FHOD3: variants seen among roughly 807,000 people sequenced by gnomAD.
FHOD3 encodes the protein FH1/FH2 domain-containing protein 3.
In FHOD3, 90 loss-of-function variants were observed where a neutral mutation model predicts 173.0. The ratio of observed to expected loss-of-function variants is 0.52; its 90% CI spans 0.44 to 0.62. The LOEUF is 0.62. Ranked by LOEUF, FHOD3 falls within the 20% of genes least tolerant of loss-of-function variation. The probability of loss-of-function intolerance (pLI) is 0.00; values close to 1 mark genes in which losing one functional copy is unlikely to be tolerated. For missense variants in FHOD3, 1,945 were observed against 2,034.7 expected (o/e 0.96, Z 0.85); for synonymous variants, 828 against 823.0 (o/e 1.01, Z -0.10).
intron 5 of FHOD3, among the ~76,000 whole-genome samples, chr18:36,534,099 C>T (rs2056894840): frequency 6.6e-6 from 1 of 152,202 alleles, no homozygotes; most frequent in African/African-American, 2.4e-5. Context: ...TCCACATCAT[C>T]CTAACTTCCT....
intron 11 of FHOD3, among the ~76,000 whole-genome samples, chr18:36,650,749 C>T (rs1485636363): frequency 6.6e-6 from 1 of 152,208 alleles, no homozygotes; most frequent in Non-Finnish European, 1.5e-5. Flanking sequence ...TATGCACATG[C>T]TTCTGCACCT....
chr18:36,768,520 T>A (rs1327419287), intron 27 of FHOD3, among the ~76,000 whole-genome samples: 1 of 152,202 alleles, frequency 6.6e-6, no homozygotes, highest in Non-Finnish European at 1.5e-5. Flanking sequence ...CTGGAACAAA[T>A]CCCTCTGTAT....
intron 5 of FHOD3, among the ~76,000 whole-genome samples, chr18:36,550,243 CATATATATATATAT>C (rs371573246): frequency 1.7e-5 from 2 of 120,714 alleles, no homozygotes; most frequent in Non-Finnish European, 3.4e-5. Flanking sequence ...AGTGGTAGAC[CATATATATATATAT>C]ATATATATAT....
In FHOD3 at chr18:36,311,704, A is replaced by G. The variant is rs1032735126; in HGVS notation, c.165+13704A>G. 6.6e-5 allele frequency among the ~76,000 whole-genome samples: 10 copies of G among 151,974 alleles called. 1 individual carries two copies. The highest frequency in any genetic ancestry group is 6.6e-4 in the Admixed American group (10 of 15,250). On this transcript the variant is annotated intron_variant, in intron 1 of 28. Coordinates refer to ENST00000590592, the MANE Select transcript of FHOD3 (RefSeq NM_001281740.3). ...CCCCACCACAGTGTCCCCACTCCCAACGTGGATCCTCACCTTTGACTGCAA... is the reference window on the plus strand; with the variant it reads ...CCCCACCACAGTGTCCCCACTCCCAGCGTGGATCCTCACCTTTGACTGCAA...
chr18:36,389,088 A>T (rs1369518473), intron 3 of FHOD3, among the ~76,000 whole-genome samples: 1 of 152,178 alleles, frequency 6.6e-6, no homozygotes, highest in Non-Finnish European at 1.5e-5. Flanking sequence ...GAGGATCGTG[A>T]TGATATAGGA....
intron 10 of FHOD3, among the ~76,000 whole-genome samples, chr18:36,645,376 T>G (rs1258813891): frequency 6.6e-6 from 1 of 151,924 alleles, no homozygotes; most frequent in Non-Finnish European, 1.5e-5. Flanking sequence ...ACCAAGATGG[T>G]GAGATTGTGC....
chr18:36,566,181 A>G (rs1280813152), intron 5 of FHOD3, among the ~76,000 whole-genome samples: 1 of 152,192 alleles, frequency 6.6e-6, no homozygotes, highest in Non-Finnish European at 1.5e-5. Context: ...TCGTCTTTCA[A>G]CTTCATCAAT....
At chr18:36,534,959 A>G (rs927163701) in intron 5 of FHOD3, among the ~76,000 whole-genome samples, 4 of 152,248 alleles carry the variant, frequency 2.6e-5, no homozygotes, top group Non-Finnish European at 4.4e-5. Context: ...CTACTGGGCC[A>G]GTCTGGGCCA....
At chr18:36,674,794 T>C (rs184772783) in intron 14 of FHOD3, among the ~76,000 whole-genome samples, 24 of 152,258 alleles carry the variant, frequency 1.6e-4, no homozygotes, top group African/African-American at 5.8e-4. Flanking sequence ...CATGTAAAGC[T>C]GTCACATGCA....
At chr18:36,631,712 G>A (rs1206631287) in intron 10 of FHOD3, among the ~76,000 whole-genome samples, 1 of 152,174 alleles carries the variant, frequency 6.6e-6, no homozygotes, top group African/African-American at 2.4e-5. Flanking sequence ...AATATATGGT[G>A]GAGCTGGTTC....
At chr18:36,603,641 T>C (rs1295398676) in intron 8 of FHOD3, among the ~76,000 whole-genome samples, 3 of 151,980 alleles carry the variant, frequency 2.0e-5, no homozygotes, top group Admixed American at 2.0e-4. Context: ...GTAGCTGGGA[T>C]TACAGGCACG....
At chr18:36,661,178 C>T (rs953994994) in intron 14 of FHOD3, among the ~76,000 whole-genome samples, 5 of 151,098 alleles carry the variant, frequency 3.3e-5, no homozygotes, top group Admixed American at 1.3e-4. Flanking sequence ...TGTGCACCAT[C>T]GCCCAAGAAT....
chr18:36,555,592 C>G (rs1343532720), intron 5 of FHOD3, among the ~76,000 whole-genome samples: 1 of 152,066 alleles, frequency 6.6e-6, no homozygotes, highest in Non-Finnish European at 1.5e-5. Context: ...TATTTTCTGT[C>G]TCCTTTCAGT....
At chr18:36,307,345 A>T (rs956303834) in intron 1 of FHOD3, among the ~76,000 whole-genome samples, 29 of 152,216 alleles carry the variant, frequency 1.9e-4, no homozygotes, top group Non-Finnish European at 3.1e-4. Flanking sequence ...GGGGATGGAC[A>T]TGGCCCTTGA....
chr18:36,652,951 C>A, intron 12 of FHOD3, 22 bp downstream of exon 12: 1 of 1,516,142 alleles, frequency 6.6e-7, no homozygotes, highest in Non-Finnish European at 8.8e-7. Context: ...CACCTGGAGG[C>A]TTGTTTGAGA....
chr18:36,340,907 G>T (rs1483007124), intron 1 of FHOD3, among the ~76,000 whole-genome samples: 1 of 152,094 alleles, frequency 6.6e-6, no homozygotes, highest in African/African-American at 2.4e-5. Context: ...AAAGTGCTGG[G>T]ATTACAGGCG....
intron 19 of FHOD3, among the ~76,000 whole-genome samples, chr18:36,724,824 C>T (rs2040974055): frequency 6.6e-6 from 1 of 152,204 alleles, no homozygotes; most frequent in African/African-American, 2.4e-5. Flanking sequence ...CTACTACGGG[C>T]ATGTTGGAGG....
At chr18:36,524,739 G>A (rs1054873986) in intron 5 of FHOD3, among the ~76,000 whole-genome samples, 94 of 152,016 alleles carry the variant, frequency 6.2e-4, no homozygotes, top group African/African-American at 2.0e-3. Flanking sequence ...AATAAACATC[G>A]ATCTTTCCCC....
intron 9 of FHOD3, among the ~76,000 whole-genome samples, chr18:36,614,655 G>A (rs1016421839): frequency 1.2e-4 from 18 of 151,988 alleles, no homozygotes; most frequent in African/African-American, 2.7e-4. Flanking sequence ...CTTTGTCAAC[G>A]CTTATTATTG....
Sources: gnomAD v4.1 joint callset for allele counts (sites outside exome capture counted in the v4.1 genomes callset) on GRCh38, gnomAD v4.1.1 for gene constraint, MANE v1.5 for transcripts, NCBI Gene and HGNC (gene_info 2026-07-23, HGNC 2026-07-21) for gene names.